SLC16A7: variants seen among roughly 807,000 people sequenced by gnomAD.
SLC16A7 encodes monocarboxylate transporter 2.
In SLC16A7, 33 loss-of-function variants were observed where a neutral mutation model predicts 34.9. That is an observed-to-expected ratio of 0.94 (90% CI 0.72 to 1.26). The LOEUF (loss-of-function observed/expected upper bound fraction) is 1.26. Ranked by LOEUF, SLC16A7 falls within the 50% of genes most tolerant of loss-of-function variation. SLC16A7 has a pLI of 0.00. For missense variants in SLC16A7, 573 were observed against 578.1 expected (o/e 0.99, Z 0.09); for synonymous variants, 201 against 206.6 (o/e 0.97, Z 0.23).
At chr12:59,604,129 T>C (rs185221091) in intron 1 of SLC16A7, among the ~76,000 whole-genome samples, 5 of 152,354 alleles carry the variant, frequency 3.3e-5, no homozygotes, top group Admixed American at 6.5e-5. Context: ...GTAATTCAAC[T>C]TTAGGAAAGT....
chr12:59,720,595 G>A (rs1693601), intron 3 of SLC16A7, among the ~76,000 whole-genome samples: 18,639 of 152,012 alleles, frequency 0.12, 1,497 homozygotes, highest in African/African-American at 0.22. Context: ...AATGAATTAA[G>A]CAATAGCTAT....
At chr12:59,625,080 CA>C (rs1879869530) in intron 1 of SLC16A7, among the ~76,000 whole-genome samples, 1 of 151,880 alleles carries the variant, frequency 6.6e-6, no homozygotes, top group East Asian at 1.9e-4. Context: ...ACTGTATGTA[CA>C]CTTTTTAGAT....
chr12:59,771,177 A>T (rs762631351), intron 3 of SLC16A7, 42 bp from the exon 4 acceptor site: 1 of 1,560,440 alleles, frequency 6.4e-7, no homozygotes. Context: ...CAAATAAATG[A>T]CAAGAGCAAC....
chr12:59,639,154 T>C (rs1880561228), intron 1 of SLC16A7, among the ~76,000 whole-genome samples: 1 of 152,152 alleles, frequency 6.6e-6, no homozygotes, highest in Admixed American at 6.5e-5. Context: ...CTGAAAATCA[T>C]TTTTTAGTTT....
At chr12:59,775,899 T>C (rs1882712867) in intron 5 of SLC16A7, among the ~76,000 whole-genome samples, 1 of 152,194 alleles carries the variant, frequency 6.6e-6, no homozygotes, top group Non-Finnish European at 1.5e-5. Flanking sequence ...GTTGAGTACA[T>C]TGGATATATT....
chr12:59,712,695 T>C (rs1439976981), intron 3 of SLC16A7, among the ~76,000 whole-genome samples: 3 of 152,144 alleles, frequency 2.0e-5, no homozygotes, highest in Non-Finnish European at 4.4e-5. Flanking sequence ...GCAAAACTAG[T>C]GTCAGTGTTT....
Position 59,771,325 on chromosome 12 carries a change from C to T in SLC16A7, c.324C>T (p.Ser108=), listed in dbSNP as rs1882204792. The T allele has an allele frequency of 6.2e-6, 10 of 1,611,792 alleles. No homozygotes were observed. Among genetic ancestry groups the T allele is most frequent in the South Asian group, 4.4e-5 (4 of 90,940 alleles). Residue 108 remains serine (S), a synonymous_variant, in exon 4 of 6, where the codon AGC becomes AGT. Coordinates refer to ENST00000547379, the MANE Select transcript of SLC16A7 (RefSeq NM_001270623.2). The part of the protein sequence containing the change: ...LGMVLASFSS[S]VVQLYLTMGF... The stretch of plus-strand genomic sequence containing the variant: ...TGGTGTTGGCCTCCTTTAGTAGCAG[C>T]GTGGTACAGCTGTACCTCACTATGG...
Position 59,789,252 on chromosome 12 carries a change from G to T in SLC16A7, c.*9573G>T, listed in dbSNP as rs1012371861. On this transcript the variant is annotated 3_prime_UTR_variant, in exon 6 of 6. Coordinates refer to ENST00000547379, the MANE Select transcript of SLC16A7 (RefSeq NM_001270623.2). The stretch of plus-strand genomic sequence containing the variant: ...AAATGCTACTACAGTATTCTACGAT[G>T]CAGGCTGAATGTATATTACAGTAAT... The T allele has an allele frequency of 2.0e-5, 3 of 152,048 alleles. No homozygotes were observed. Among genetic ancestry groups the T allele is most frequent in the African/African-American group, 7.2e-5 (3 of 41,420 alleles). The allele number at this position is 152,048 out of a possible 1,614,324, so 9.4% of individuals were successfully genotyped here. A position where few individuals can be genotyped will look rare whatever the true frequency, so the allele number is the denominator to read the frequency against.
At chr12:59,678,457 C>G (rs1056700300) in intron 2 of SLC16A7, among the ~76,000 whole-genome samples, 6 of 152,056 alleles carry the variant, frequency 3.9e-5, no homozygotes, top group African/African-American at 1.2e-4. Flanking sequence ...AGAGGATACC[C>G]TGAAATGGGT....
chr12:59,785,787 TG>T lies in SLC16A7; in HGVS notation c.*6109del, dbSNP rs1468701208. On this transcript the variant is annotated 3_prime_UTR_variant, in exon 6 of 6. Coordinates refer to ENST00000547379, the MANE Select transcript of SLC16A7 (RefSeq NM_001270623.2). The stretch of plus-strand genomic sequence containing the variant: ...TTTCACATGATCAAACAGGATTTTT[TG>T]TTTCTTTTTAATTTAAATATGGCAA... 4 of 152,134 alleles carry T rather than the reference TG, an allele frequency of 2.6e-5. No individual in the cohort carries two copies. Among genetic ancestry groups the T allele is most frequent in the African/African-American group, 9.7e-5 (4 of 41,430 alleles). 9.4% of individuals were successfully genotyped at this position (152,134 alleles called of 1,614,324 possible).
intron 4 of SLC16A7, among the ~76,000 whole-genome samples, chr12:59,772,267 C>T (rs1882305626): frequency 6.6e-6 from 1 of 152,008 alleles, no homozygotes; most frequent in Non-Finnish European, 1.5e-5. Context: ...ACAATCTATC[C>T]ACATCTCTCT....
chr12:59,753,090 G>A (rs1879793942), intron 3 of SLC16A7, among the ~76,000 whole-genome samples: 3 of 152,136 alleles, frequency 2.0e-5, no homozygotes, highest in African/African-American at 7.2e-5. Context: ...TGCCCTAAAA[G>A]ACCTCCTGAA....
intron 3 of SLC16A7, among the ~76,000 whole-genome samples, chr12:59,749,312 C>A (rs1049424470): frequency 6.6e-6 from 1 of 152,110 alleles, no homozygotes; most frequent in Non-Finnish European, 1.5e-5. Flanking sequence ...AAGGCCTGGA[C>A]AATGAGAACC....
chr12:59,694,198 C>T (rs1022402453), intron 2 of SLC16A7, among the ~76,000 whole-genome samples: 3 of 151,810 alleles, frequency 2.0e-5, no homozygotes, highest in African/African-American at 7.3e-5. Flanking sequence ...GGGGAATAAG[C>T]TTTATGCCTA....
At chr12:59,653,422 T>C (rs375240478) in intron 1 of SLC16A7, among the ~76,000 whole-genome samples, 2 of 151,720 alleles carry the variant, frequency 1.3e-5, no homozygotes, top group East Asian at 3.9e-4. Flanking sequence ...AAAATACCAA[T>C]TTGTCACCAT....
rs143071714 is a variant in SLC16A7, at chr12:59,727,783, G to T, written c.217+22765G>T. On this transcript the variant is annotated intron_variant, in intron 3 of 5. Transcript: ENST00000547379. ...GACAGTAGTTTAAGTTGGTGAGGGC[G>T]ATGTTTACATTTTAATTGTGTTGGG... 4.0e-5 allele frequency among the ~76,000 whole-genome samples: 6 copies of T among 151,056 alleles called. No individual in the cohort carries two copies. In the East Asian group the frequency reaches 1.2e-3, roughly 29 times the overall value.
intron 3 of SLC16A7, among the ~76,000 whole-genome samples, chr12:59,766,015 G>C (rs1310509917): frequency 6.6e-6 from 1 of 152,128 alleles, no homozygotes; most frequent in African/African-American, 2.4e-5. Context: ...TCCTTGAGCA[G>C]TGGTTTGTAG....
chr12:59,704,495 G>C (rs1873320247), intron 2 of SLC16A7, among the ~76,000 whole-genome samples: 2 of 152,236 alleles, frequency 1.3e-5, no homozygotes, highest in South Asian at 4.1e-4. Context: ...TGGTACTTCA[G>C]TTCAGATCTA....
intron 1 of SLC16A7, among the ~76,000 whole-genome samples, chr12:59,653,094 TA>T (rs1868373765): frequency 6.6e-6 from 1 of 151,872 alleles, no homozygotes; most frequent in Non-Finnish European, 1.5e-5. Context: ...TGCTCCTGTT[TA>T]AAAGAAATAA....
Sources: gnomAD v4.1 joint callset for allele counts (sites outside exome capture counted in the v4.1 genomes callset) on GRCh38, gnomAD v4.1.1 for gene constraint, MANE v1.5 for transcripts, NCBI Gene and HGNC (gene_info 2026-07-23, HGNC 2026-07-21) for gene names.